The following PITPNM2 variants were observed in gnomAD, a reference collection of about 807,000 sequenced individuals.
PITPNM2 encodes phosphatidylinositol transfer protein membrane associated 2, also known as membrane-associated phosphatidylinositol transfer protein 2.
PITPNM2 carries 35 observed loss-of-function variants against 132.2 expected under a neutral mutation model. The ratio of observed to expected loss-of-function variants is 0.26; its 90% CI spans 0.20 to 0.35. The LOEUF is 0.35. Ranked by LOEUF, PITPNM2 falls within the 10% of genes least tolerant of loss-of-function variation. PITPNM2 has a pLI of 1.00. For synonymous variants in PITPNM2, 738 were observed against 799.2 expected (o/e 0.92, Z 1.29); for missense variants, 1,332 against 1,912.0 (o/e 0.70, Z 5.66).
chr12:123,127,923 A>G (rs1256623009), intron 1 of PITPNM2, among the ~76,000 whole-genome samples: 1 of 151,924 alleles, frequency 6.6e-6, no homozygotes, highest in Non-Finnish European at 1.5e-5. Flanking sequence ...TCTTTTTCCT[A>G]GCCTGTTGCA....
chr12:123,021,968 A>G (rs1337686302), intron 3 of PITPNM2, among the ~76,000 whole-genome samples: 1 of 152,222 alleles, frequency 6.6e-6, no homozygotes, highest in Non-Finnish European at 1.5e-5. Context: ...AGCAGGGAAC[A>G]TCATCCCAGG....
chr12:123,088,065 G>A (rs1015888001), intron 2 of PITPNM2: 8 of 152,182 alleles, frequency 5.3e-5, no homozygotes, highest in African/African-American at 7.2e-5. Context: ...CGAGTCCAGC[G>A]TCTTTACCAT....
chr12:123,085,452 C>T (rs557462357), intron 2 of PITPNM2, among the ~76,000 whole-genome samples: 1 of 152,222 alleles, frequency 6.6e-6, no homozygotes, highest in South Asian at 2.1e-4. Flanking sequence ...TCCTATGAAA[C>T]ATCTAGAAGA....
At chr12:123,129,115 A>C (rs1322849679) in intron 1 of PITPNM2, among the ~76,000 whole-genome samples, 1 of 152,118 alleles carries the variant, frequency 6.6e-6, no homozygotes, top group Admixed American at 6.5e-5. Flanking sequence ...CAGCCTGGGC[A>C]ACAAAAGCGA....
At chr12:123,055,749 ATTC>A (rs1202924741) in intron 2 of PITPNM2, among the ~76,000 whole-genome samples, 4 of 152,192 alleles carry the variant, frequency 2.6e-5, no homozygotes, top group East Asian at 1.9e-4. Context: ...CTGGGTGAGA[ATTC>A]TTCTTCTTGC....
In PITPNM2 at chr12:122,993,281, TG is replaced by T. The variant is rs1289823389; in HGVS notation, c.2234-613del. Among the ~76,000 whole-genome samples, 6 of 152,184 alleles carry T rather than the reference TG, an allele frequency of 3.9e-5. No homozygotes were observed. In the East Asian group the frequency reaches 1.2e-3, roughly 29 times the overall value. ...ATCTTGCGGGAGCACCACCGAGTGC[TG>T]GCTAGGGCAGCCCTGCCCTGCCTGT... On this transcript the variant is annotated intron_variant, in intron 15 of 25. Transcript: ENST00000320201. This position sits in a 1 kb window ranked among gnomAD's most constrained non-coding sequence, Gnocchi z 5.2.
chr12:122,986,277 G>T lies in PITPNM2; in HGVS notation c.3800C>A (p.Thr1267Lys). Residue 1267 changes from threonine (T) to lysine (K), a missense_variant, in exon 26 of 26, where the codon ACG becomes AAG. By Grantham distance (78) the Thr-to-Lys change is moderately conservative (BLOSUM62 -1). Transcript: ENST00000320201. ...YSHRARPARNTATRMALRKGS... is the reference protein window; with the variant it reads ...YSHRARPARNKATRMALRKGS... Reference sequence around the variant, plus strand: ...CTTGCGCAGCGCCATGCGGGTGGCCGTGTTGCGAGCGGGCCGCGCCCGGTG... The same window carrying T: ...CTTGCGCAGCGCCATGCGGGTGGCCTTGTTGCGAGCGGGCCGCGCCCGGTG... 1 of 1,582,914 alleles carries T rather than the reference G, an allele frequency of 6.3e-7. No individual in the cohort carries two copies. Among genetic ancestry groups the T allele is most frequent in the South Asian group, 1.1e-5 (1 of 87,194 alleles).
Position 123,093,282 on chromosome 12 carries a change from T to A in PITPNM2, c.-96+17103A>T, listed in dbSNP as rs575710693. The stretch of plus-strand genomic sequence containing the variant: ...TTTTGGTGTGATGAAAATGTTTTTT[T>A]AAAAAAACCTTTATTTATTTTTACA... On this transcript the variant is annotated intron_variant, in intron 2 of 25. Coordinates refer to ENST00000320201, the MANE Select transcript of PITPNM2 (RefSeq NM_020845.3). 8.5e-5 allele frequency among the ~76,000 whole-genome samples: 13 copies of A among 152,188 alleles called. No homozygotes were observed. In the South Asian group the frequency reaches 2.7e-3, roughly 32 times the overall value.
intron 1 of PITPNM2, among the ~76,000 whole-genome samples, chr12:123,135,218 G>A (rs950924848): frequency 2.2e-4 from 34 of 152,092 alleles, no homozygotes; most frequent in African/African-American, 4.6e-4. Context: ...GATCCTTCCC[G>A]GTGGCAGGAA....
intron 2 of PITPNM2, chr12:123,087,593 T>C (rs1593004160): frequency 6.6e-6 from 1 of 152,124 alleles, no homozygotes; most frequent in East Asian, 1.9e-4. Context: ...ATGACTCTCT[T>C]AGGCTGCTGC....
chr12:123,040,524 T>C (rs557286573), intron 2 of PITPNM2, among the ~76,000 whole-genome samples: 14 of 152,234 alleles, frequency 9.2e-5, no homozygotes, highest in Non-Finnish European at 1.8e-4. Flanking sequence ...TCTCTCACCT[T>C]TAACCTTTTA....
intron 3 of PITPNM2, among the ~76,000 whole-genome samples, chr12:123,025,364 T>C (rs1224924413): frequency 6.6e-6 from 1 of 151,458 alleles, no homozygotes; most frequent in Non-Finnish European, 1.5e-5. Flanking sequence ...GGTGAGGCCA[T>C]AGGTGAGGTC....
intron 1 of PITPNM2, among the ~76,000 whole-genome samples, chr12:123,147,256 T>TC (rs939110326): frequency 6.6e-6 from 1 of 152,188 alleles, no homozygotes; most frequent in African/African-American, 2.4e-5. Flanking sequence ...TACCCTTTGT[T>TC]CCCCATGGAC....
rs2040829972 is a variant in PITPNM2 at position 123,050,764 on chromosome 12, G to A, written c.-95-16079C>T. Reference sequence around the variant, plus strand: ...CACAACATGCCTGGAAAGTTTCCCAGGTAACTGGCTCTTCTTTACAGAGCT... The same window carrying A: ...CACAACATGCCTGGAAAGTTTCCCAAGTAACTGGCTCTTCTTTACAGAGCT... On this transcript the variant is annotated intron_variant, in intron 2 of 25. Coordinates refer to ENST00000320201, the MANE Select transcript of PITPNM2 (RefSeq NM_020845.3). Among the ~76,000 whole-genome samples, 4 of 152,204 alleles carry A rather than the reference G, an allele frequency of 2.6e-5. No individual in the cohort carries two copies. The South Asian group carries it at 8.3e-4, about 31-fold the overall frequency.
chr12:123,134,263 C>T (rs557595489), intron 1 of PITPNM2, among the ~76,000 whole-genome samples: 1 of 152,020 alleles, frequency 6.6e-6, no homozygotes, highest in African/African-American at 2.4e-5. Context: ...CAGGGTTTTA[C>T]CATGTTAGCC....
In PITPNM2 at chr12:123,000,132, G is replaced by A. The variant is rs934703204; in HGVS notation, c.1224+646C>T. On this transcript the variant is annotated intron_variant, in intron 10 of 25. Transcript: ENST00000320201. This position sits in a 1 kb window ranked among gnomAD's most constrained non-coding sequence, Gnocchi z 5.4. ...CCGAGTTCCCCACAGAAGTGGTGCT[G>A]CCTCCACCTTAGGTAGCTTGAGGCC... is the stretch of plus-strand genomic sequence containing the variant. 6.6e-6 allele frequency among the ~76,000 whole-genome samples: 1 copy of A among 152,198 alleles called. No individual in the cohort carries two copies. The highest frequency in any genetic ancestry group is 1.5e-5 in the Non-Finnish European group (1 of 68,030).
chr12:123,005,410 T>A lies in PITPNM2; in HGVS notation c.782A>T (p.Asn261Ile). 2 of 1,614,142 alleles carry A rather than the reference T, an allele frequency of 1.2e-6. No individual in the cohort carries two copies. Among genetic ancestry groups the A allele is most frequent in the Non-Finnish European group, 1.7e-6 (2 of 1,180,018 alleles). ...LMLSRKMAQF[N>I]EDGEEATELV... is the part of the protein sequence containing the mutation. ...CTCAGTGGCCTCCTCACCATCCTCA[T>A]TGAACTGGGCCATCTTACGGGAAAG... is the stretch of plus-strand genomic sequence containing the variant. Residue 261 changes from asparagine (N) to isoleucine (I), a missense_variant, in exon 7 of 26, where the codon AAT (asparagine) becomes ATT (isoleucine). Around this residue, in one of 6 missense-constraint regions of PITPNM2, gnomAD observed 710 missense variants for 911.5 expected, o/e 0.78. Transcript: ENST00000320201. This position sits in a 1 kb window ranked among gnomAD's most constrained non-coding sequence, Gnocchi z 6.2.
At chr12:123,040,330 A>T (rs1289778549) in intron 2 of PITPNM2, among the ~76,000 whole-genome samples, 11 of 152,190 alleles carry the variant, frequency 7.2e-5, no homozygotes, top group Admixed American at 7.2e-4. Flanking sequence ...CAACATTGTG[A>T]ATATACTTAC....
At chr12:123,100,402 G>T (rs2042534245) in intron 2 of PITPNM2, among the ~76,000 whole-genome samples, 1 of 152,186 alleles carries the variant, frequency 6.6e-6, no homozygotes, top group Non-Finnish European at 1.5e-5. Flanking sequence ...AAGGCGGGTG[G>T]ATCACCTGAG....
Sources: gnomAD v4.1 joint callset for allele counts (sites outside exome capture counted in the v4.1 genomes callset) on GRCh38, gnomAD v4.1.1 for gene constraint, gnomAD v4.1.1 regional missense constraint, Gnocchi (gnomAD v3.1) non-coding constraint, MANE v1.5 for transcripts, NCBI Gene and HGNC (gene_info 2026-07-23, HGNC 2026-07-21) for gene names.